Variants in FGF1 observed in about 807,000 individuals in gnomAD.
FGF1 encodes the protein beta-endothelial cell growth factor.
A neutral mutation model predicts 13.4 loss-of-function variants in FGF1; 9 were observed. The observed-to-expected ratio is 0.67, with a 90% CI of 0.40 to 1.17. The LOEUF (loss-of-function observed/expected upper bound fraction) is 1.17, where lower values mean the gene tolerates loss of function less well. Among genes scored for constraint, FGF1 ranks in the 50% most tolerant of loss-of-function variants. FGF1 has a pLI of 0.01. For missense variants in FGF1, 156 were observed against 192.7 expected (o/e 0.81, Z 1.13); for synonymous variants, 93 against 79.0 (o/e 1.18, Z -0.94).
chr5:142,622,963 G>C (rs1348046138), intron 1 of FGF1, among the ~76,000 whole-genome samples: 1 of 152,220 alleles, frequency 6.6e-6, no homozygotes, highest in African/African-American at 2.4e-5. Context: ...TGGTGTGCAG[G>C]AGACAGCTCC....
In FGF1 at chr5:142,652,438, A is replaced by G. The variant is rs555045463; in HGVS notation, c.-35+33519T>C. On this transcript the variant is annotated intron_variant, in intron 1 of 3. Transcript: ENST00000337706. ...AAGCCTTGGGTGATGGAGGCTCTGC[A>G]CTGCTCTGAAGAGAGCGCTGATTCA... Among the ~76,000 whole-genome samples, 23 of 152,312 alleles carry G rather than the reference A, an allele frequency of 1.5e-4. 1 individual carries two copies. In the South Asian group the frequency reaches 4.8e-3, roughly 32 times the overall value.
At chr5:142,652,919 A>G (rs1597337780) in intron 1 of FGF1, among the ~76,000 whole-genome samples, 1 of 152,226 alleles carries the variant, frequency 6.6e-6, no homozygotes, top group South Asian at 2.1e-4. Flanking sequence ...ATGGGTTCAC[A>G]TCAAATAAGA....
intron 1 of FGF1, among the ~76,000 whole-genome samples, chr5:142,615,281 G>C (rs1236283121): frequency 6.6e-6 from 1 of 151,864 alleles, no homozygotes; most frequent in Non-Finnish European, 1.5e-5. Flanking sequence ...GCAGTAGCAC[G>C]ATCTCAGCTC....
intron 1 of FGF1, among the ~76,000 whole-genome samples, chr5:142,665,356 C>T (rs1057273226): frequency 5.3e-5 from 8 of 151,960 alleles, no homozygotes; most frequent in Non-Finnish European, 1.2e-4. Flanking sequence ...CTGTCCCACT[C>T]CCCTCCTCAG....
At chr5:142,637,814 G>A (rs1764533965) in intron 1 of FGF1, among the ~76,000 whole-genome samples, 2 of 152,008 alleles carry the variant, frequency 1.3e-5, no homozygotes, top group South Asian at 2.1e-4. Flanking sequence ...TCATGCTACT[G>A]TAGTTTATAA....
chr5:142,688,382 C>T (rs1218729213), upstream of FGF1, among the ~76,000 whole-genome samples: 3 of 152,192 alleles, frequency 2.0e-5, no homozygotes, highest in Non-Finnish European at 4.4e-5. Context: ...GAGACATGAT[C>T]ATGTGAATGC....
chr5:142,629,414 C>T (rs152525), intron 1 of FGF1, among the ~76,000 whole-genome samples: 118,670 of 152,118 alleles, frequency 0.78, 46,612 homozygotes, highest in African/African-American at 0.81. Flanking sequence ...TCCTTCCACC[C>T]TGGCCTTCCA....
Position 142,592,470 on chromosome 5 carries a change from C to T in FGF1, c.*2820G>A, listed in dbSNP as rs892336489. 5.0e-6 allele frequency: 2 copies of T among 398,430 alleles called. No homozygotes were observed. Among genetic ancestry groups the T allele is most frequent in the Non-Finnish European group, 8.8e-6 (2 of 226,006 alleles). The allele number at this position is 398,430 out of a possible 1,614,324, so 24.7% of individuals were successfully genotyped here. A position where few individuals can be genotyped will look rare whatever the true frequency, so the allele number is the denominator to read the frequency against. ...GCCTTCCAAGGAAACCAATACCTACCTCCACCACCATCACATTGCAAACGA... is the reference window on the plus strand; with the variant it reads ...GCCTTCCAAGGAAACCAATACCTACTTCCACCACCATCACATTGCAAACGA... On this transcript the variant is annotated 3_prime_UTR_variant, in exon 4 of 4. Transcript: ENST00000337706.
At chr5:142,608,038 G>C (rs115523337) in intron 2 of FGF1, among the ~76,000 whole-genome samples, 5 of 152,262 alleles carry the variant, frequency 3.3e-5, no homozygotes, top group African/African-American at 9.6e-5. Flanking sequence ...TAGAAAAAAG[G>C]AAAAAGGGTT....
At chr5:142,638,835 G>A (rs1434777292) in intron 1 of FGF1, among the ~76,000 whole-genome samples, 3 of 151,910 alleles carry the variant, frequency 2.0e-5, no homozygotes, top group Non-Finnish European at 4.4e-5. Flanking sequence ...CAGTAAGAAA[G>A]CAATCCCATT....
At chr5:142,674,445 C>A (rs1316818238) in intron 1 of FGF1, among the ~76,000 whole-genome samples, 1 of 152,206 alleles carries the variant, frequency 6.6e-6, no homozygotes, top group African/African-American at 2.4e-5. Context: ...CTTTCCAAGG[C>A]AGCCCCATTT....
chr5:142,600,351 G>A (rs1756235038), intron 3 of FGF1, among the ~76,000 whole-genome samples: 1 of 152,110 alleles, frequency 6.6e-6, no homozygotes, highest in Non-Finnish European at 1.5e-5. Flanking sequence ...GACAGAGCCA[G>A]ACCCTGTCTC....
chr5:142,671,258 T>C (rs534706285), intron 1 of FGF1, among the ~76,000 whole-genome samples: 8 of 152,288 alleles, frequency 5.3e-5, no homozygotes, highest in African/African-American at 1.4e-4. Context: ...GTCAGTGGAG[T>C]GTCTGTGTTA....
In FGF1 at chr5:142,595,452, T is replaced by C; in HGVS notation, c.306A>G (p.Glu102=). The C allele has an allele frequency of 6.2e-7, 1 of 1,613,846 alleles. No individual in the cohort carries two copies. The highest frequency in any genetic ancestry group is 8.5e-7 in the Non-Finnish European group (1 of 1,179,840). The change falls in exon 4 of 4, where the codon GAA becomes GAG. Residue 102 remains glutamate, a synonymous_variant. Coordinates refer to ENST00000337706, the MANE Select transcript of FGF1 (RefSeq NM_000800.5). ...TGTTGTAATGGTTCTCCTCCAGCCT[T>C]TCCAGGAACAAACATTCCTCATTTG... ...QTPNEECLFL[E]RLEENHYNTY... is the part of the protein sequence containing the mutation.
intron 1 of FGF1, among the ~76,000 whole-genome samples, chr5:142,655,606 A>G (rs1459781482): frequency 6.6e-6 from 1 of 152,204 alleles, no homozygotes; most frequent in African/African-American, 2.4e-5. Flanking sequence ...CAATAGCTTA[A>G]CTCAGATCTA....
At chr5:142,635,532 G>A (rs1764106010) in intron 1 of FGF1, among the ~76,000 whole-genome samples, 1 of 152,206 alleles carries the variant, frequency 6.6e-6, no homozygotes, top group Non-Finnish European at 1.5e-5. Flanking sequence ...AGCTTATGGT[G>A]CTTTATTTTA....
intron 1 of FGF1, among the ~76,000 whole-genome samples, chr5:142,646,419 C>T (rs1303559347): frequency 1.3e-5 from 2 of 151,604 alleles, no homozygotes; most frequent in African/African-American, 4.9e-5. Context: ...GGCGCGCAAT[C>T]TCGGCTCACT....
At chr5:142,694,735 A>G (rs1752836004) in intron 2 of FGF1, among the ~76,000 whole-genome samples, 1 of 152,080 alleles carries the variant, frequency 6.6e-6, no homozygotes, top group Non-Finnish European at 1.5e-5. Flanking sequence ...TCTAGCCAAC[A>G]TTTCCCGCAA....
intron 1 of FGF1, among the ~76,000 whole-genome samples, chr5:142,634,929 A>G (rs138859556): frequency 2.7e-4 from 41 of 151,972 alleles, no homozygotes; most frequent in Non-Finnish European, 5.4e-4. Flanking sequence ...CAGGCTGAGT[A>G]ATTAGCCAGA....
Sources: gnomAD v4.1 joint callset for allele counts (sites outside exome capture counted in the v4.1 genomes callset) on GRCh38, gnomAD v4.1.1 for gene constraint, MANE v1.5 for transcripts, NCBI Gene and HGNC (gene_info 2026-07-23, HGNC 2026-07-21) for gene names.